TMEM150C: variants seen among roughly 807,000 people sequenced by gnomAD.
TMEM150C encodes transmembrane protein 150C.
Under a neutral mutation model 29.9 loss-of-function variants are expected in TMEM150C, and 10 were observed. That is an observed-to-expected ratio of 0.33 (90% CI 0.21 to 0.57). The LOEUF (loss-of-function observed/expected upper bound fraction) is 0.57. Ranked by LOEUF, TMEM150C falls within the 20% of genes least tolerant of loss-of-function variation. The pLI, the probability that TMEM150C is intolerant of heterozygous loss-of-function variation, is 0.88. For missense variants in TMEM150C, 251 were observed against 303.6 expected (o/e 0.83, Z 1.29); for synonymous variants, 101 against 112.5 (o/e 0.90, Z 0.64).
chr4:82,558,039 G>A (rs1725797090), intron 1 of TMEM150C, among the ~76,000 whole-genome samples: 1 of 151,912 alleles, frequency 6.6e-6, no homozygotes, highest in Admixed American at 6.6e-5. Context: ...CCTCACAAGT[G>A]GTTTTTCATA....
At chr4:82,495,185 G>A (rs1723504251) in intron 6 of TMEM150C, 1 of 351,976 alleles carries the variant, frequency 2.8e-6, no homozygotes, top group South Asian at 3.7e-5. Flanking sequence ...GCTCAGGCCT[G>A]TAATCCCAGC....
intron 1 of TMEM150C, among the ~76,000 whole-genome samples, chr4:82,543,035 C>A (rs1725243512): frequency 6.6e-6 from 1 of 152,116 alleles, no homozygotes; most frequent in Non-Finnish European, 1.5e-5. Context: ...ACAACTAATA[C>A]AACAACCCTA....
chr4:82,520,588 T>C (rs181730887), intron 1 of TMEM150C, among the ~76,000 whole-genome samples: 163 of 152,326 alleles, frequency 1.1e-3, no homozygotes, highest in African/African-American at 3.6e-3. Flanking sequence ...GATCATGTCA[T>C]CCTTTAGCTC....
rs554739572 is a variant in TMEM150C, at chr4:82,534,229, T to C, written c.-11+27677A>G. The stretch of plus-strand genomic sequence containing the variant: ...TTCGGACAATGTGAACAGCTAGAAA[T>C]AACAAGTATAATTCTGTAAAGGAGG... On this transcript the variant is annotated intron_variant, in intron 1 of 7. Coordinates refer to ENST00000449862, the MANE Select transcript of TMEM150C (RefSeq NM_001080506.3). Among the ~76,000 whole-genome samples, 83 of 152,288 alleles carry C rather than the reference T, an allele frequency of 5.5e-4. 1 individual carries two copies. In the South Asian group the frequency reaches 0.017, roughly 31 times the overall value.
chr4:82,522,169 C>T lies in TMEM150C; in HGVS notation c.-10-17502G>A, dbSNP rs145079318. ...AGGAGGCTACAGGAAGAACTACCAC[C>T]CCCATATTCTAACCACAGCTCCCTG... On this transcript the variant is annotated intron_variant, in intron 1 of 7. Coordinates refer to ENST00000449862, the MANE Select transcript of TMEM150C (RefSeq NM_001080506.3). 2.9e-3 allele frequency among the ~76,000 whole-genome samples: 445 copies of T among 152,310 alleles called. 1 individual carries two copies. Among genetic ancestry groups the T allele is most frequent in the African/African-American group, 0.01 (417 of 41,554 alleles).
chr4:82,488,739 A>G (rs570101033), intron 7 of TMEM150C, among the ~76,000 whole-genome samples: 2 of 152,222 alleles, frequency 1.3e-5, no homozygotes, highest in African/African-American at 4.8e-5. Context: ...AAGCCTCCCA[A>G]GTAGCTTGGA....
intron 1 of TMEM150C, among the ~76,000 whole-genome samples, chr4:82,517,828 C>T (rs1215972571): frequency 6.6e-6 from 1 of 152,218 alleles, no homozygotes; most frequent in Non-Finnish European, 1.5e-5. Context: ...TCTTCTATAT[C>T]TCTATATATC....
chr4:82,545,227 C>T (rs1369210544), intron 1 of TMEM150C, among the ~76,000 whole-genome samples: 1 of 152,188 alleles, frequency 6.6e-6, no homozygotes. Flanking sequence ...TTCTGGGATG[C>T]AAGGCTGGTT....
intron 1 of TMEM150C, among the ~76,000 whole-genome samples, chr4:82,542,356 C>T (rs543763751): frequency 1.1e-4 from 16 of 152,172 alleles, no homozygotes; most frequent in African/African-American, 2.6e-4. Context: ...TCTACATAAG[C>T]GAGGAACTGG....
In TMEM150C at chr4:82,509,359, C is replaced by T. The variant is rs144777417; in HGVS notation, c.-10-4692G>A. ...TTTTGTTGCTCTGGAAGTCTTCAAG[C>T]TGCAGATAGCCAAGAGAACACCTGG... On this transcript the variant is annotated intron_variant, in intron 1 of 7. Coordinates refer to ENST00000449862, the MANE Select transcript of TMEM150C (RefSeq NM_001080506.3). Among the ~76,000 whole-genome samples the T allele has an allele frequency of 4.9e-4, 74 of 152,292 alleles. 1 individual carries two copies. In the East Asian group the frequency reaches 0.012, roughly 24 times the overall value.
chr4:82,540,133 T>C (rs1265257904), intron 1 of TMEM150C, among the ~76,000 whole-genome samples: 2 of 124,384 alleles, frequency 1.6e-5, no homozygotes, highest in Admixed American at 8.3e-5. Context: ...TTTTTTTTTT[T>C]TTTTTTTTTT....
chr4:82,519,845 T>A (rs939690672), intron 1 of TMEM150C, among the ~76,000 whole-genome samples: 3 of 152,220 alleles, frequency 2.0e-5, no homozygotes, highest in Non-Finnish European at 2.9e-5. Flanking sequence ...TAATATGCTG[T>A]AATAAAAGCT....
intron 1 of TMEM150C, among the ~76,000 whole-genome samples, chr4:82,519,095 T>C (rs184949353): frequency 6.6e-6 from 1 of 152,306 alleles, no homozygotes; most frequent in East Asian, 1.9e-4. Context: ...GGACGAGTGT[T>C]AGTCTTCTGG....
rs202242587 is a variant in TMEM150C at position 82,503,091 on chromosome 4, A to G, written c.102T>C (p.Asp34=). ...CTGAATTTAATGGTAAAATTTTGTC[A>G]TCTTCCACAGCTATGAAGTATCTAT... ...LWIVYFIAVE[D]DKILPLNSAE... Residue 34 remains aspartate, a synonymous_variant, in exon 3 of 8, where the codon GAT becomes GAC. Coordinates refer to ENST00000449862, the MANE Select transcript of TMEM150C (RefSeq NM_001080506.3). 3.4e-5 allele frequency: 55 copies of G among 1,610,816 alleles called. No homozygotes were observed. In the Admixed American group the frequency reaches 5.3e-4, roughly 16 times the overall value.
intron 2 of TMEM150C, among the ~76,000 whole-genome samples, chr4:82,503,755 C>T (rs562331043): frequency 1.7e-4 from 26 of 151,830 alleles, no homozygotes; most frequent in South Asian, 1.7e-3. Context: ...GAGGCTGAGG[C>T]GGGAGAATGG....
At chr4:82,501,624 G>C (rs1278642287) in intron 5 of TMEM150C, among the ~76,000 whole-genome samples, 2 of 152,090 alleles carry the variant, frequency 1.3e-5, no homozygotes, top group African/African-American at 2.4e-5. Flanking sequence ...GGCCTGATGA[G>C]CCTGACGGGA....
rs1040407644 is a variant in TMEM150C at position 82,561,768 on chromosome 4, C to A, written c.-11+138G>T. The A allele has an allele frequency of 6.7e-6, 4 of 595,500 alleles. No individual in the cohort carries two copies. The African/African-American group carries it at 8.1e-5, about 12-fold the overall frequency. The allele number at this position is 595,500 out of a possible 1,614,324, so 36.9% of individuals were successfully genotyped here. A position where few individuals can be genotyped will look rare whatever the true frequency, so the allele number is the denominator to read the frequency against. On this transcript the variant is annotated intron_variant, in intron 1 of 7. Transcript: ENST00000449862. Reference sequence around the variant, plus strand: ...GCCGCAGCCGAGCAGGGCCCCGCAGCCGGGCGGACCCAGCCGCCCCAGCCG... The same window carrying A: ...GCCGCAGCCGAGCAGGGCCCCGCAGACGGGCGGACCCAGCCGCCCCAGCCG...
intron 1 of TMEM150C, among the ~76,000 whole-genome samples, chr4:82,558,673 A>G (rs1284481067): frequency 6.6e-6 from 1 of 152,260 alleles, no homozygotes; most frequent in Non-Finnish European, 1.5e-5. Context: ...GGTGATAACA[A>G]TAACTTAAAG....
chr4:82,561,850 C>G, intron 1 of TMEM150C, 56 bp downstream of exon 1: 3 of 978,204 alleles, frequency 3.1e-6, no homozygotes, highest in Non-Finnish European at 3.6e-6. Context: ...GGGGCCGGGC[C>G]GGACGCCCCC....
Sources: gnomAD v4.1 joint callset for allele counts (sites outside exome capture counted in the v4.1 genomes callset) on GRCh38, gnomAD v4.1.1 for gene constraint, MANE v1.5 for transcripts, NCBI Gene and HGNC (gene_info 2026-07-23, HGNC 2026-07-21) for gene names.